The following KCNN2 variants were observed in gnomAD, a reference collection of about 807,000 sequenced individuals.
KCNN2 encodes potassium calcium-activated channel subfamily N member 2.
Under a neutral mutation model 55.5 loss-of-function variants are expected in KCNN2, and 24 were observed. That is an observed-to-expected ratio of 0.43 (90% confidence interval 0.31 to 0.61). KCNN2 has a LOEUF of 0.61. KCNN2 is among the 20% of genes least tolerant of loss of function. The pLI is 0.08. For synonymous variants in KCNN2, 431 were observed against 336.1 expected, an observed-to-expected ratio of 1.28 and a Z score of -3.09; for missense variants, 754 against 853.6, an observed-to-expected ratio of 0.88 and a Z score of 1.45.
intron 1 of KCNN2, among the ~76,000 whole-genome samples, chr5:114,158,088 G>T (rs559688994): frequency 2.2e-4 from 34 of 151,692 alleles, no homozygotes; most frequent in South Asian, 8.3e-4. Flanking sequence ...CATGCCTATG[G>T]CCTGAATGGT....
chr5:114,255,292 C>T (rs1275043150), intron 2 of KCNN2, among the ~76,000 whole-genome samples: 1 of 152,102 alleles, frequency 6.6e-6, no homozygotes, highest in Non-Finnish European at 1.5e-5. Flanking sequence ...ATACAAGATA[C>T]AGTGGCAACA....
At chr5:114,368,181 G>A (rs188659300) in intron 2 of KCNN2, among the ~76,000 whole-genome samples, 1 of 152,186 alleles carries the variant, frequency 6.6e-6, no homozygotes, top group East Asian at 1.9e-4. Context: ...GTTGCAAAGT[G>A]CTGAAAATCT....
intron 2 of KCNN2, among the ~76,000 whole-genome samples, chr5:114,239,238 A>G (rs749888132): frequency 5.9e-5 from 9 of 152,220 alleles, no homozygotes; most frequent in Non-Finnish European, 8.8e-5. Flanking sequence ...AGATAAAATT[A>G]TAAACCCAGT....
chr5:114,431,516 CT>C (rs1304548181), intron 3 of KCNN2, among the ~76,000 whole-genome samples: 1 of 151,902 alleles, frequency 6.6e-6, no homozygotes, highest in Non-Finnish European at 1.5e-5. Context: ...TTTTATTAAT[CT>C]TTTCAAAGAA....
intron 1 of KCNN2, among the ~76,000 whole-genome samples, chr5:114,119,050 G>C (rs1751776100): frequency 6.6e-6 from 1 of 152,186 alleles, no homozygotes; most frequent in Non-Finnish European, 1.5e-5. Flanking sequence ...AACCCCCAAA[G>C]GTGTTGATGC....
chr5:114,492,268 TG>T (rs1221291794), intron 6 of KCNN2, among the ~76,000 whole-genome samples: 1 of 152,184 alleles, frequency 6.6e-6, no homozygotes, highest in African/African-American at 2.4e-5. Context: ...AATCTTGCCC[TG>T]TGAGTTTTTA....
At chr5:114,335,952 G>T (rs1052551282) in intron 2 of KCNN2, among the ~76,000 whole-genome samples, 2 of 152,148 alleles carry the variant, frequency 1.3e-5, no homozygotes, top group African/African-American at 2.4e-5. Flanking sequence ...ACCTAGTTGA[G>T]CTCAGGTTTT....
intron 2 of KCNN2, among the ~76,000 whole-genome samples, chr5:114,320,162 T>C (rs1756587337): frequency 6.6e-6 from 1 of 152,116 alleles, no homozygotes; most frequent in Admixed American, 6.6e-5. Flanking sequence ...GTCATATAAC[T>C]GATGTATTAA....
chr5:114,283,898 C>T (rs769313733), intron 2 of KCNN2, among the ~76,000 whole-genome samples: 5 of 152,170 alleles, frequency 3.3e-5, no homozygotes, highest in South Asian at 2.1e-4. Context: ...ACCTTTGTCA[C>T]GCATTACATT....
chr5:114,290,689 GA>G (rs1156809222), intron 2 of KCNN2, among the ~76,000 whole-genome samples: 1 of 151,976 alleles, frequency 6.6e-6, no homozygotes, highest in African/African-American at 2.4e-5. Context: ...TTGTGATGTT[GA>G]ACCAGCCTTG....
chr5:114,332,351 A>C (rs1381755054), intron 2 of KCNN2, among the ~76,000 whole-genome samples: 3 of 152,150 alleles, frequency 2.0e-5, no homozygotes, highest in African/African-American at 4.8e-5. Flanking sequence ...GACAAAAGAG[A>C]ACTCCCCTCC....
At chr5:114,475,730 C>G (rs902630331) in intron 5 of KCNN2, among the ~76,000 whole-genome samples, 1 of 151,964 alleles carries the variant, frequency 6.6e-6, no homozygotes, top group African/African-American at 2.4e-5. Flanking sequence ...CTCATGGGTC[C>G]CCTAAAGTCC....
chr5:114,277,352 T>TA (rs1247394450), intron 2 of KCNN2, among the ~76,000 whole-genome samples: 7 of 152,186 alleles, frequency 4.6e-5, no homozygotes, highest in Non-Finnish European at 7.3e-5. Flanking sequence ...TTTGTGGTGT[T>TA]CTCTGTGTTT....
chr5:114,294,585 C>T (rs1755967809), intron 2 of KCNN2, among the ~76,000 whole-genome samples: 1 of 151,484 alleles, frequency 6.6e-6, no homozygotes, highest in South Asian at 2.1e-4. Context: ...TGTTCTTTTA[C>T]ATATGCTGAG....
At position 114,083,499 on chromosome 5, in the gene KCNN2, G is replaced by T. The variant is rs546366521; in HGVS notation, c.-271+26999G>T. ...TTCTAATTTTCCTTATCATTTCCTT[G>T]TTAACCTGATTTTGGAAGTGGGTTT... On this transcript the variant is annotated intron_variant, in intron 1 of 10. Transcript: ENST00000512097. Among the ~76,000 whole-genome samples, 14 of 151,678 alleles carry T rather than the reference G, an allele frequency of 9.2e-5. No individual in the cohort carries two copies. The East Asian group carries it at 2.7e-3, about 29-fold the overall frequency.
intron 1 of KCNN2, among the ~76,000 whole-genome samples, chr5:114,111,227 G>A (rs1380367891): frequency 6.6e-6 from 1 of 152,056 alleles, no homozygotes; most frequent in East Asian, 1.9e-4. Context: ...CAAGCAATGG[G>A]GAAAGGATTC....
chr5:114,171,108 C>A (rs1753024179), intron 1 of KCNN2, among the ~76,000 whole-genome samples: 1 of 151,902 alleles, frequency 6.6e-6, no homozygotes. Flanking sequence ...CCACTGTTTT[C>A]TAATTTTTCA....
intron 2 of KCNN2, among the ~76,000 whole-genome samples, chr5:114,239,535 G>T (rs1157122833): frequency 6.6e-6 from 1 of 152,154 alleles, no homozygotes; most frequent in Non-Finnish European, 1.5e-5. Context: ...AAAAAAAATG[G>T]GATAGGACCA....
At chr5:114,241,627 C>G (rs994720027) in intron 2 of KCNN2, among the ~76,000 whole-genome samples, 1 of 146,702 alleles carries the variant, frequency 6.8e-6, no homozygotes, top group African/African-American at 2.5e-5. Flanking sequence ...TCACAATAGG[C>G]AAAAACGTAA....
Sources: allele counts gnomAD v4.1 joint callset (sites outside exome capture counted in the v4.1 genomes callset), GRCh38; gene constraint gnomAD v4.1.1; transcripts MANE v1.5; gene names NCBI Gene and HGNC (gene_info 2026-07-23, HGNC 2026-07-21).